The following EPS15L1 variants were observed in gnomAD, a reference collection of about 807,000 sequenced individuals.
EPS15L1 encodes epidermal growth factor receptor substrate 15-like 1.
EPS15L1 carries 43 observed loss-of-function variants against 117.1 expected under a neutral mutation model. The observed-to-expected ratio is 0.37, with a 90% CI of 0.29 to 0.47. The LOEUF is 0.47. Ranked by LOEUF, EPS15L1 falls within the 20% of genes least tolerant of loss-of-function variation. The pLI, the probability that EPS15L1 is intolerant of heterozygous loss-of-function variation, is 0.99. For synonymous variants in EPS15L1, 459 were observed against 470.5 expected, an observed-to-expected ratio of 0.98 and a Z score of 0.32; for missense variants, 981 against 1,164.0, an observed-to-expected ratio of 0.84 and a Z score of 2.29.
At chr19:16,428,536 G>GAAGA (rs71178694) in intron 8 of EPS15L1, among the ~76,000 whole-genome samples, 166 bp downstream of exon 8, 126,139 of 137,812 alleles carry the variant, frequency 0.92, 57,310 homozygotes, top group East Asian at 0.98. Flanking sequence ...AGAAAGAAAG[G>GAAGA]AAGAAAGACA....
At chr19:16,412,954 C>T (rs2092721952) in intron 13 of EPS15L1, 1 of 666,426 alleles carries the variant, frequency 1.5e-6, no homozygotes, top group Non-Finnish European at 2.8e-6. Flanking sequence ...CTTCTCCCGC[C>T]CATCAAGGAA....
Position 16,381,200 on chromosome 19 carries a change from A to T in EPS15L1, c.2247+3929T>A, listed in dbSNP as rs1007752604. On this transcript the variant is annotated intron_variant, in intron 21 of 23. Transcript: ENST00000455140. The surrounding 1 kb of genome is among the most constrained non-coding windows in gnomAD (Gnocchi z 4.2). ...TTCTCACCTAATAATAGGCCCAGTGACCTGGCAGGGGGTCCCACTGTCAGC... is the reference window on the plus strand; with the variant it reads ...TTCTCACCTAATAATAGGCCCAGTGTCCTGGCAGGGGGTCCCACTGTCAGC... 6.6e-6 allele frequency among the ~76,000 whole-genome samples: 1 copy of T among 152,220 alleles called. No homozygotes were observed. Among genetic ancestry groups the T allele is most frequent in the East Asian group, 1.9e-4 (1 of 5,198 alleles).
chr19:16,441,759 A>G, intron 3 of EPS15L1, 133 bp downstream of exon 3: 1 of 598,990 alleles, frequency 1.7e-6, no homozygotes, highest in South Asian at 2.7e-5. Flanking sequence ...GCAGCCTGAG[A>G]GGTCTGCAGC....
At chr19:16,364,829 C>A (rs529427726) in intron 22 of EPS15L1, among the ~76,000 whole-genome samples, 1 of 152,312 alleles carries the variant, frequency 6.6e-6, no homozygotes, top group South Asian at 2.1e-4. Flanking sequence ...ACCCTCCCGT[C>A]CCTAGAAGCC....
intron 7 of EPS15L1, among the ~76,000 whole-genome samples, chr19:16,432,766 G>C (rs1300046336): frequency 1.3e-5 from 2 of 152,004 alleles, no homozygotes; most frequent in Non-Finnish European, 2.9e-5. Context: ...GCGAGACTCT[G>C]TCTCACAAAC....
At chr19:16,411,334 G>C (rs1417652794) in intron 13 of EPS15L1, among the ~76,000 whole-genome samples, 1 of 152,146 alleles carries the variant, frequency 6.6e-6, no homozygotes, top group Non-Finnish European at 1.5e-5. Flanking sequence ...ATGGGGATGA[G>C]GTTTCCTTTT....
At chr19:16,385,672 G>A (rs1033013652) in intron 20 of EPS15L1, among the ~76,000 whole-genome samples, 23 of 152,090 alleles carry the variant, frequency 1.5e-4, no homozygotes, top group South Asian at 2.1e-4. Flanking sequence ...ACTGCTACCC[G>A]CCCCACGCAA....
At chr19:16,432,587 T>TAAATACAAATAC (rs140220902) in intron 7 of EPS15L1, among the ~76,000 whole-genome samples, 2 of 145,360 alleles carry the variant, frequency 1.4e-5, no homozygotes, top group Admixed American at 6.9e-5. Context: ...AATAAATAAA[T>TAAATACAAATAC]AAATACAAAT....
At chr19:16,413,264 T>G in intron 13 of EPS15L1, 1 of 646,900 alleles carries the variant, frequency 1.5e-6, no homozygotes, top group Non-Finnish European at 2.8e-6. Context: ...ACTGCAACTC[T>G]GTGCTGGTGT....
At chr19:16,443,749 G>A (rs556168376) in intron 1 of EPS15L1, among the ~76,000 whole-genome samples, 6 of 151,714 alleles carry the variant, frequency 4.0e-5, no homozygotes, top group African/African-American at 1.4e-4. Context: ...CCGGATTATG[G>A]TCAGCGTCTC....
At chr19:16,426,190 G>A (rs1305925140) in intron 8 of EPS15L1, among the ~76,000 whole-genome samples, 4 of 152,190 alleles carry the variant, frequency 2.6e-5, no homozygotes, top group Non-Finnish European at 5.9e-5. Context: ...TTGACATCAC[G>A]TTCCCCCAGG....
At chr19:16,410,066 G>A (rs529060025) in intron 13 of EPS15L1, among the ~76,000 whole-genome samples, 7 of 151,750 alleles carry the variant, frequency 4.6e-5, no homozygotes, top group Non-Finnish European at 8.8e-5. Flanking sequence ...CCCAGGAGGC[G>A]GAGGCTGCAG....
intron 22 of EPS15L1, among the ~76,000 whole-genome samples, chr19:16,367,754 A>C (rs1158582314): frequency 1.6e-5 from 2 of 121,600 alleles, no homozygotes; most frequent in Non-Finnish European, 3.4e-5. Context: ...GGTGCAAAGC[A>C]AAAAAAAAAA....
At chr19:16,455,692 C>T (rs568282848) in intron 1 of EPS15L1, among the ~76,000 whole-genome samples, 13 of 152,304 alleles carry the variant, frequency 8.5e-5, no homozygotes, top group Admixed American at 3.9e-4. Flanking sequence ...TGGGGCAGGA[C>T]GAGCAGCCTC....
chr19:16,418,540 T>C (rs1158189436), intron 10 of EPS15L1, among the ~76,000 whole-genome samples: 2 of 152,192 alleles, frequency 1.3e-5, no homozygotes, highest in African/African-American at 4.8e-5. Context: ...CCCCGGCTAC[T>C]GGCCTTCAAT....
chr19:16,454,368 C>T (rs979366795), intron 1 of EPS15L1, among the ~76,000 whole-genome samples: 2 of 152,126 alleles, frequency 1.3e-5, no homozygotes, highest in African/African-American at 2.4e-5. Context: ...CCTATCGCCC[C>T]GCTACTGGAA....
At chr19:16,367,655 C>T (rs1287177158) in intron 22 of EPS15L1, among the ~76,000 whole-genome samples, 4 of 150,142 alleles carry the variant, frequency 2.7e-5, no homozygotes, top group South Asian at 4.2e-4. Context: ...GCTGCACTAG[C>T]GTTCTTGGTC....
intron 22 of EPS15L1, 88 bp from the exon 23 acceptor site, chr19:16,362,072 C>T: frequency 7.4e-7 from 1 of 1,342,984 alleles, no homozygotes; most frequent in Non-Finnish European, 9.9e-7. Context: ...GGGCACAAGC[C>T]CGGGGCGCTT....
chr19:16,400,691 T>C (rs1045622889), intron 16 of EPS15L1: 3 of 985,314 alleles, frequency 3.0e-6, no homozygotes, highest in South Asian at 4.7e-5. Context: ...CGGATGCCAG[T>C]TGCAAGTTTC....
Sources: allele counts gnomAD v4.1 joint callset (sites outside exome capture counted in the v4.1 genomes callset), GRCh38; gene constraint gnomAD v4.1.1; non-coding constraint Gnocchi (gnomAD v3.1); transcripts MANE v1.5; gene names NCBI Gene and HGNC (gene_info 2026-07-23, HGNC 2026-07-21).